NOB1: variants seen among roughly 807,000 people sequenced by gnomAD.
The protein encoded by NOB1 is RNA-binding protein NOB1.
A neutral mutation model predicts 44.8 loss-of-function variants in NOB1; 44 were observed. The observed-to-expected ratio is 0.98, with a 90% confidence interval of 0.77 to 1.26. The LOEUF (loss-of-function observed/expected upper bound fraction) is 1.26. Among genes scored for constraint, NOB1 ranks in the 50% most tolerant of loss-of-function variants. NOB1 has a pLI of 0.00. For missense variants in NOB1, 560 were observed against 544.8 expected, an observed-to-expected ratio of 1.03 and a Z score of -0.28; for synonymous variants, 238 against 218.7, an observed-to-expected ratio of 1.09 and a Z score of -0.78.
chr16:69,749,593 G>C lies in NOB1; in HGVS notation c.365C>G (p.Pro122Arg). The C allele has an allele frequency of 6.2e-7, 1 of 1,613,436 alleles. No individual in the cohort carries two copies. The highest frequency in any genetic ancestry group is 8.5e-7 in the Non-Finnish European group (1 of 1,179,784). The change falls in exon 4 of 9, where the codon CCT (proline) becomes CGT (arginine). Residue 122 changes from proline to arginine, a missense_variant. Pro to Arg is a moderately radical substitution (Grantham distance 103, BLOSUM62 -2). Coordinates refer to ENST00000268802, the MANE Select transcript of NOB1 (RefSeq NM_014062.3). ...VSSSIQHPET[P>R]LHISGFHLPY... ...CAGATGGAAACCAGAAATGTGCAGA[G>C]GTGTTTCTGGGTGCTGAATCGATGA... is the stretch of plus-strand genomic sequence containing the variant.
intron 7 of NOB1, among the ~76,000 whole-genome samples, chr16:69,746,077 A>AGGAGTGGCTGGCCACCAGCAGAGCC (rs2038428353): frequency 6.6e-6 from 1 of 152,248 alleles, no homozygotes; most frequent in African/African-American, 2.4e-5. Context: ...GGCCGCTCTG[A>AGGAGTGGCTGGCCACCAGCAGAGCC]GGAGTGGCTG....
In NOB1 at chr16:69,742,621, G is replaced by A; in HGVS notation, c.970-20C>T. On this transcript the variant is annotated intron_variant, in intron 8 of 8. Coordinates refer to ENST00000268802, the MANE Select transcript of NOB1 (RefSeq NM_014062.3). ...CGAGTACTGGAAATAAGACAAGGAA[G>A]GGCCATTAGAAGAAGGGGAGCCACA... is the stretch of plus-strand genomic sequence containing the variant. 6.2e-7 allele frequency: 1 copy of A among 1,612,142 alleles called. No individual in the cohort carries two copies. Among genetic ancestry groups the A allele is most frequent in the Non-Finnish European group, 8.5e-7 (1 of 1,178,406 alleles).
chr16:69,749,188 A>C, intron 5 of NOB1, 25 bp downstream of exon 5: 7 of 1,613,138 alleles, frequency 4.3e-6, no homozygotes, highest in Non-Finnish European at 5.9e-6. Context: ...AGCTGTCGTC[A>C]GAAGACCAAA....
rs2038449424 is a variant in NOB1 at position 69,748,228 on chromosome 16, A to G, written c.824+4T>C. On this transcript the variant is annotated splice_donor_region_variant and intron_variant, in intron 7 of 8. Transcript: ENST00000268802. The stretch of plus-strand genomic sequence containing the variant: ...GCACCAGGGCCAGGGCACCAGCTAC[A>G]TACTTGAAACAGCCATGGCAGCGCA... 1.2e-6 allele frequency: 2 copies of G among 1,611,260 alleles called. No homozygotes were observed. Among genetic ancestry groups the G allele is most frequent in the Non-Finnish European group, 1.7e-6 (2 of 1,177,620 alleles).
intron 2 of NOB1, 46 bp from the exon 3 acceptor site, chr16:69,752,417 AT>A: frequency 6.3e-7 from 1 of 1,587,774 alleles, no homozygotes; most frequent in Non-Finnish European, 8.6e-7. Context: ...AAAAAGCCAT[AT>A]GACCTTGGAT....
rs1200263600 is a variant in NOB1, at chr16:69,742,544, C to T, written c.1027G>A (p.Asp343Asn). The T allele has an allele frequency of 6.2e-7, 1 of 1,614,012 alleles. No individual in the cohort carries two copies. The highest frequency in any genetic ancestry group is 1.3e-5 in the African/African-American group (1 of 74,922). ...AGTCGCAGCTGAGGGAAGCGCTGAT[C>T]CTCGGTGAGATGGGGGTTGATGGCG... ...KYAINPHLTEDQRFPQLRLSQ... is the reference protein window; with the variant it reads ...KYAINPHLTENQRFPQLRLSQ... Residue 343 changes from aspartate (D) to asparagine (N), a missense_variant, in exon 9 of 9, where the codon GAT becomes AAT. Transcript: ENST00000268802.
chr16:69,745,541 C>A (rs957149143), intron 7 of NOB1, among the ~76,000 whole-genome samples: 1 of 152,204 alleles, frequency 6.6e-6, no homozygotes, highest in Non-Finnish European at 1.5e-5. Context: ...TCGGGAGCAG[C>A]TCTGGAGGCG....
intron 8 of NOB1, among the ~76,000 whole-genome samples, chr16:69,743,525 G>C (rs536339391): frequency 6.6e-6 from 1 of 152,276 alleles, no homozygotes; most frequent in Non-Finnish European, 1.5e-5. Flanking sequence ...TCCTGAGAAG[G>C]ACACATCAGG....
At chr16:69,748,094 G>A (rs2038448383) in intron 7 of NOB1, 138 bp downstream of exon 7, 5 of 582,752 alleles carry the variant, frequency 8.6e-6, no homozygotes, top group Admixed American at 3.3e-5. Context: ...GAACCCAGGA[G>A]GCAGAGGTTG....
chr16:69,752,556 C>A (rs1333199183), intron 2 of NOB1, among the ~76,000 whole-genome samples, 185 bp from the exon 3 acceptor site: 1 of 152,212 alleles, frequency 6.6e-6, no homozygotes, highest in Admixed American at 6.5e-5. Flanking sequence ...TTTTCCTACT[C>A]GCAGTTGAGA....
intron 2 of NOB1, among the ~76,000 whole-genome samples, chr16:69,752,797 G>A (rs1470942006): frequency 6.6e-6 from 1 of 152,092 alleles, no homozygotes; most frequent in Non-Finnish European, 1.5e-5. Flanking sequence ...TCCCGGTGTG[G>A]TAGCGGGGGG....
chr16:69,749,537 C>T (rs1336095054), intron 4 of NOB1, 22 bp downstream of exon 4: 2 of 1,605,192 alleles, frequency 1.2e-6, no homozygotes, highest in African/African-American at 1.3e-5. Flanking sequence ...GCATGAACGG[C>T]CTGGCTTGTC....
At chr16:69,752,642 G>A (rs933043270) in intron 2 of NOB1, among the ~76,000 whole-genome samples, 6 of 152,186 alleles carry the variant, frequency 3.9e-5, no homozygotes, top group African/African-American at 1.2e-4. Context: ...AGAGGAAGGA[G>A]CAGAAAGTTG....
intron 3 of NOB1, among the ~76,000 whole-genome samples, chr16:69,749,839 G>A (rs1031559048): frequency 3.3e-5 from 5 of 151,534 alleles, no homozygotes; most frequent in Admixed American, 1.3e-4. Flanking sequence ...TTAGCCTGGC[G>A]TGGTGGCAGG....
chr16:69,751,017 T>C (rs1280390042), intron 3 of NOB1, among the ~76,000 whole-genome samples: 2 of 152,168 alleles, frequency 1.3e-5, no homozygotes, highest in African/African-American at 4.8e-5. Flanking sequence ...CAATAGGAAG[T>C]CAAAGTTTTG....
In NOB1 at chr16:69,754,591, C is replaced by A. The variant is rs759290854; in HGVS notation, c.196+3G>T. 3 of 1,614,010 alleles carry A rather than the reference C, an allele frequency of 1.9e-6. No individual in the cohort carries two copies. The South Asian group carries it at 3.3e-5, about 18-fold the overall frequency. On this transcript the variant is annotated splice_donor_region_variant and intron_variant, in intron 2 of 8. Transcript: ENST00000268802. Reference sequence around the variant, plus strand: ...CCGTCAACGCTAGGGCAGAGGCACTCACCCAGCCGCACGTATTCCGGTAAG... The same window carrying A: ...CCGTCAACGCTAGGGCAGAGGCACTAACCCAGCCGCACGTATTCCGGTAAG...
rs1161089984 is a variant in NOB1 at position 69,742,464 on chromosome 16, C to T, written c.1107G>A (p.Gly369=). The change falls in exon 9 of 9, where the codon GGG becomes GGA. Residue 369 remains glycine, a synonymous_variant. Transcript: ENST00000268802. ...TGTCATTCTCGACAAAGGGTGACAC[C>T]CCGGCGATGTAGTCAGGGGCGAACA... ...TNVFAPDYIA[G]VSPFVENDIS... is the part of the protein sequence containing the mutation. The T allele has an allele frequency of 9.9e-6, 16 of 1,614,204 alleles. No individual in the cohort carries two copies. Among genetic ancestry groups the T allele is most frequent in the Non-Finnish European group, 1.3e-5 (15 of 1,180,038 alleles).
chr16:69,752,971 C>G (rs113915505), intron 2 of NOB1, among the ~76,000 whole-genome samples: 15 of 152,018 alleles, frequency 9.9e-5, no homozygotes, highest in African/African-American at 3.4e-4. Flanking sequence ...GTGGCTCACA[C>G]CTCACTACAG....
At chr16:69,743,343 T>C (rs12924052) in intron 8 of NOB1, among the ~76,000 whole-genome samples, 71,206 of 152,050 alleles carry the variant, frequency 0.47, 18,398 homozygotes, top group Non-Finnish European at 0.59. Context: ...TTCAGGCAAC[T>C]TTAGGTAAGT....
Sources: allele counts gnomAD v4.1 joint callset (sites outside exome capture counted in the v4.1 genomes callset), GRCh38; gene constraint gnomAD v4.1.1; transcripts MANE v1.5; gene names NCBI Gene and HGNC (gene_info 2026-07-23, HGNC 2026-07-21).